Variants in LDLRAD3 observed in about 807,000 individuals in gnomAD.
LDLRAD3 encodes low-density lipoprotein receptor class A domain-containing protein 3.
A neutral mutation model predicts 29.4 loss-of-function variants in LDLRAD3; 20 were observed. That is an observed-to-expected ratio of 0.68 (90% CI 0.48 to 0.99). The LOEUF (loss-of-function observed/expected upper bound fraction) is 0.99, where lower values mean the gene tolerates loss of function less well. Among genes scored for constraint, LDLRAD3 ranks in the 50% least tolerant of loss-of-function variants. LDLRAD3 has a pLI of 0.00. For synonymous variants in LDLRAD3, 157 were observed against 192.7 expected, an observed-to-expected ratio of 0.81 and a Z score of 1.53; for missense variants, 420 against 454.3, an observed-to-expected ratio of 0.92 and a Z score of 0.69.
At chr11:36,179,850 C>T (rs776212357) in intron 4 of LDLRAD3, among the ~76,000 whole-genome samples, 33 of 151,974 alleles carry the variant, frequency 2.2e-4, no homozygotes, top group Non-Finnish European at 3.2e-4. Context: ...AAAAATTAGC[C>T]GGACATGGTA....
chr11:35,967,248 G>T, intron 1 of LDLRAD3: 1 of 205,226 alleles, frequency 4.9e-6, no homozygotes, highest in Non-Finnish European at 1.0e-5. Context: ...CCCAGGGAGG[G>T]CCAGGGCCAA....
At chr11:36,105,479 T>C (rs1853516024) in intron 4 of LDLRAD3, among the ~76,000 whole-genome samples, 1 of 151,944 alleles carries the variant, frequency 6.6e-6, no homozygotes, top group African/African-American at 2.4e-5. Flanking sequence ...TGCCTCAGAG[T>C]GTGACCTTAT....
chr11:36,039,170 C>T (rs1033227219), intron 2 of LDLRAD3, among the ~76,000 whole-genome samples: 85 of 152,140 alleles, frequency 5.6e-4, no homozygotes, highest in East Asian at 3.9e-4. Context: ...GGGGTTTCAC[C>T]GTGTTAGCCA....
intron 2 of LDLRAD3, among the ~76,000 whole-genome samples, chr11:36,044,766 C>T (rs192039627): frequency 1.3e-5 from 2 of 152,324 alleles, no homozygotes; most frequent in Admixed American, 1.3e-4. Flanking sequence ...CTTGAGGTTG[C>T]AGGGAAGGAA....
chr11:36,023,980 G>T (rs747043800), intron 1 of LDLRAD3, among the ~76,000 whole-genome samples: 12 of 152,314 alleles, frequency 7.9e-5, no homozygotes, highest in Non-Finnish European at 1.2e-4. Flanking sequence ...CACAGCCAGG[G>T]TCTGCACTGG....
intron 4 of LDLRAD3, among the ~76,000 whole-genome samples, chr11:36,143,479 A>G (rs953655928): frequency 6.6e-6 from 1 of 152,242 alleles, no homozygotes; most frequent in African/African-American, 2.4e-5. Flanking sequence ...TAGCTCAGAA[A>G]TAACCTCATT....
chr11:35,998,497 C>G (rs1448586257), intron 1 of LDLRAD3, among the ~76,000 whole-genome samples: 1 of 152,156 alleles, frequency 6.6e-6, no homozygotes, highest in Non-Finnish European at 1.5e-5. Context: ...TGCTCAGAGC[C>G]TGTTGGGCAG....
intron 1 of LDLRAD3, among the ~76,000 whole-genome samples, chr11:36,028,208 A>T (rs76124749): frequency 0.073 from 11,141 of 152,286 alleles, 441 homozygotes; most frequent in South Asian, 0.14. Flanking sequence ...GAATTTAAGA[A>T]TGTCAGAACT....
At chr11:35,967,430 A>G (rs1156339344) in intron 1 of LDLRAD3, 3 of 321,412 alleles carry the variant, frequency 9.3e-6, no homozygotes, top group Non-Finnish European at 1.8e-5. Flanking sequence ...TCCTTCAGCC[A>G]TTGCAGTGAT....
chr11:36,157,841 A>G (rs1001777939), intron 4 of LDLRAD3, among the ~76,000 whole-genome samples: 3 of 152,142 alleles, frequency 2.0e-5, no homozygotes, highest in African/African-American at 7.2e-5. Context: ...AGCTTAGATT[A>G]TAAGGAATCT....
chr11:36,219,298 T>C (rs368170349), intron 4 of LDLRAD3, among the ~76,000 whole-genome samples: 2 of 152,230 alleles, frequency 1.3e-5, no homozygotes, highest in East Asian at 3.8e-4. Context: ...TGAATATTTC[T>C]ATATTATTTT....
intron 4 of LDLRAD3, among the ~76,000 whole-genome samples, chr11:36,120,559 G>T (rs1853741689): frequency 6.6e-6 from 1 of 152,172 alleles, no homozygotes; most frequent in African/African-American, 2.4e-5. Flanking sequence ...ACCTCATGAG[G>T]CAGTGATGAG....
At position 36,191,576 on chromosome 11, in the gene LDLRAD3, C is replaced by CTCTATATA. The variant is rs377747518; in HGVS notation, c.455-35508_455-35507insCTATATAT. Among the ~76,000 whole-genome samples the CTCTATATA allele has an allele frequency of 4.3e-3, 227 of 53,338 alleles. 2 individuals carry two copies. Among genetic ancestry groups the CTCTATATA allele is most frequent in the Non-Finnish European group, 5.0e-3 (148 of 29,680 alleles). The allele number at this position is 53,338 out of a possible 152,430, so 35.0% of individuals were successfully genotyped here. On this transcript the variant is annotated intron_variant, in intron 4 of 5. Coordinates refer to ENST00000315571, the MANE Select transcript of LDLRAD3 (RefSeq NM_174902.4). Reference sequence around the variant, plus strand: ...TCTCTCTCTCTCTCTCTCTCTCTCTCTATATATATATATATATATATATAC... The same window carrying CTCTATATA: ...TCTCTCTCTCTCTCTCTCTCTCTCTCTCTATATATATATATATATATATATATATATAC...
chr11:35,956,941 T>C (rs1590681901), intron 1 of LDLRAD3, among the ~76,000 whole-genome samples: 1 of 152,160 alleles, frequency 6.6e-6, no homozygotes, highest in African/African-American at 2.4e-5. Context: ...TTCACCACGT[T>C]AGCCAGGATG....
At chr11:35,972,973 A>G (rs745975354) in intron 1 of LDLRAD3, among the ~76,000 whole-genome samples, 5 of 151,292 alleles carry the variant, frequency 3.3e-5, no homozygotes, top group Non-Finnish European at 7.4e-5. Flanking sequence ...GAATCACTTG[A>G]ACCCGGGAGG....
intron 4 of LDLRAD3, among the ~76,000 whole-genome samples, chr11:36,199,049 T>C (rs143771996): frequency 0.074 from 11,312 of 152,164 alleles, 462 homozygotes; most frequent in East Asian, 0.19. Flanking sequence ...TACAGGCGCC[T>C]GCCACCTCGC....
At chr11:36,064,671 T>C (rs1263248607) in intron 2 of LDLRAD3, among the ~76,000 whole-genome samples, 1 of 152,138 alleles carries the variant, frequency 6.6e-6, no homozygotes, top group Non-Finnish European at 1.5e-5. Flanking sequence ...TGTTTTCTAA[T>C]GTAGGCATTT....
At chr11:36,101,618 T>C (rs1214168193) in intron 4 of LDLRAD3, among the ~76,000 whole-genome samples, 4 of 152,218 alleles carry the variant, frequency 2.6e-5, no homozygotes, top group African/African-American at 9.6e-5. Flanking sequence ...TCTGCAATTC[T>C]GCAGCCTCAT....
At chr11:36,072,118 TGGG>T (rs1852915320) in intron 2 of LDLRAD3, among the ~76,000 whole-genome samples, 1 of 152,182 alleles carries the variant, frequency 6.6e-6, no homozygotes. Context: ...GGCAGGATCC[TGGG>T]GCAGGAGTGG....
Sources: allele counts gnomAD v4.1 joint callset (sites outside exome capture counted in the v4.1 genomes callset), GRCh38; gene constraint gnomAD v4.1.1; transcripts MANE v1.5; gene names NCBI Gene and HGNC (gene_info 2026-07-23, HGNC 2026-07-21).